CCSER1: variants seen among roughly 807,000 people sequenced by gnomAD.
The protein encoded by CCSER1 is serine-rich coiled-coil domain-containing protein 1.
A neutral mutation model predicts 82.0 loss-of-function variants in CCSER1; 41 were observed. The observed-to-expected ratio is 0.50, with a 90% CI of 0.39 to 0.65. The LOEUF is 0.65. Among genes scored for constraint, CCSER1 ranks in the 30% least tolerant of loss-of-function variants. The probability of loss-of-function intolerance (pLI) is 0.00; values close to 1 mark genes in which losing one functional copy is unlikely to be tolerated. For synonymous variants in CCSER1, 414 were observed against 383.9 expected (o/e 1.08, Z -0.92); for missense variants, 1,119 against 1,064.2 (o/e 1.05, Z -0.72).
At chr4:90,627,628 T>C (rs1328209463) in intron 5 of CCSER1, among the ~76,000 whole-genome samples, 2 of 152,118 alleles carry the variant, frequency 1.3e-5, no homozygotes, top group African/African-American at 2.4e-5. Flanking sequence ...ATCTTACCAC[T>C]AAATGTATAT....
intron 9 of CCSER1, among the ~76,000 whole-genome samples, chr4:90,931,290 T>C (rs978104372): frequency 3.3e-5 from 5 of 151,928 alleles, no homozygotes; most frequent in African/African-American, 1.2e-4. Context: ...TTTCTGTGTA[T>C]ATAATAAGAA....
chr4:91,336,341 T>C (rs1428956096), intron 10 of CCSER1, among the ~76,000 whole-genome samples: 3 of 152,122 alleles, frequency 2.0e-5, no homozygotes, highest in Non-Finnish European at 4.4e-5. Context: ...CTTCAAGTAT[T>C]TAATATTCTA....
rs913060411 is a variant in CCSER1, at chr4:91,553,849, T to A, written c.2218-44723T>A. ...TCTAGCTAAAGGTTTATCAATTTTT[T>A]AAAAAAAACCAATATATTTGATATT... On this transcript the variant is annotated intron_variant, in intron 10 of 10. Transcript: ENST00000509176. Among the ~76,000 whole-genome samples, 44 of 150,828 alleles carry A rather than the reference T, an allele frequency of 2.9e-4. 1 individual carries two copies. The highest frequency in any genetic ancestry group is 2.7e-4 in the African/African-American group (11 of 41,206).
chr4:90,864,083 A>G (rs1216717156), intron 8 of CCSER1, among the ~76,000 whole-genome samples: 1 of 149,924 alleles, frequency 6.7e-6, no homozygotes, highest in Non-Finnish European at 1.5e-5. Flanking sequence ...CATCTTTTCC[A>G]TGTCAACTTG....
chr4:90,995,256 T>G (rs1044861877), intron 9 of CCSER1, among the ~76,000 whole-genome samples: 7 of 152,164 alleles, frequency 4.6e-5, no homozygotes, highest in African/African-American at 1.7e-4. Flanking sequence ...ATGAATGGTG[T>G]GTTAAGTTGA....
At chr4:91,577,450 CA>C (rs1225816970) in intron 10 of CCSER1, among the ~76,000 whole-genome samples, 2 of 151,342 alleles carry the variant, frequency 1.3e-5, no homozygotes, top group Non-Finnish European at 2.9e-5. Context: ...AAGAAAGCAG[CA>C]AAAAATAAAA....
chr4:91,548,416 G>GT (rs1461176935), intron 10 of CCSER1, among the ~76,000 whole-genome samples: 1 of 151,952 alleles, frequency 6.6e-6, no homozygotes, highest in Non-Finnish European at 1.5e-5. Flanking sequence ...TGCAAAATAA[G>GT]TTTTTATTTT....
intron 3 of CCSER1, among the ~76,000 whole-genome samples, chr4:90,351,870 G>T: frequency 6.6e-6 from 1 of 152,168 alleles, no homozygotes; most frequent in Non-Finnish European, 1.5e-5. Context: ...CAATGAGTGT[G>T]TTGATGGCAG....
intron 1 of CCSER1, among the ~76,000 whole-genome samples, chr4:90,227,739 C>G (rs1321793783): frequency 6.6e-6 from 1 of 152,164 alleles, no homozygotes; most frequent in East Asian, 1.9e-4. Context: ...GAGTGCCAGA[C>G]AGTGGGCGCA....
chr4:91,180,814 A>C (rs1733948394), intron 10 of CCSER1, among the ~76,000 whole-genome samples: 1 of 152,260 alleles, frequency 6.6e-6, no homozygotes, highest in African/African-American at 2.4e-5. Context: ...AGAGCCCCTA[A>C]CAGGGATTTA....
chr4:91,246,390 G>A (rs868767576), intron 10 of CCSER1, among the ~76,000 whole-genome samples: 3 of 152,082 alleles, frequency 2.0e-5, no homozygotes, highest in Non-Finnish European at 2.9e-5. Flanking sequence ...ATTAAAAAGC[G>A]AGAAATTAAA....
chr4:90,445,045 AAC>A (rs1760454275), intron 4 of CCSER1, among the ~76,000 whole-genome samples: 1 of 152,032 alleles, frequency 6.6e-6, no homozygotes, highest in Non-Finnish European at 1.5e-5. Context: ...ATTAAAAAAA[AAC>A]AGTTACAGAT....
chr4:90,493,493 A>T (rs1192938864), intron 5 of CCSER1, among the ~76,000 whole-genome samples: 1 of 152,194 alleles, frequency 6.6e-6, no homozygotes, highest in Admixed American at 6.5e-5. Flanking sequence ...GAAGGAAAAA[A>T]TGTTAAGGGC....
chr4:91,362,181 C>T (rs929113331), intron 10 of CCSER1, among the ~76,000 whole-genome samples: 6 of 151,808 alleles, frequency 4.0e-5, no homozygotes, highest in African/African-American at 1.4e-4. Flanking sequence ...GCCCAGAAAA[C>T]GATCTTGAGA....
At chr4:91,202,136 GTTAT>G (rs987922706) in intron 10 of CCSER1, among the ~76,000 whole-genome samples, 6 of 149,298 alleles carry the variant, frequency 4.0e-5, no homozygotes, top group East Asian at 3.9e-4. Flanking sequence ...CATTAATTAG[GTTAT>G]TTGTTTGGCT....
chr4:90,960,827 CTTAT>C (rs1733982886), intron 9 of CCSER1, among the ~76,000 whole-genome samples: 3 of 152,108 alleles, frequency 2.0e-5, no homozygotes, highest in South Asian at 4.1e-4. Flanking sequence ...TTGTGAAATA[CTTAT>C]TTAGCACCTT....
At chr4:90,612,858 T>C (rs1720514193) in intron 5 of CCSER1, among the ~76,000 whole-genome samples, 1 of 152,172 alleles carries the variant, frequency 6.6e-6, no homozygotes, top group Non-Finnish European at 1.5e-5. Flanking sequence ...CTGGATTAAT[T>C]ACCTAAGAAG....
intron 10 of CCSER1, among the ~76,000 whole-genome samples, chr4:91,388,046 T>A (rs2149346287): frequency 6.6e-6 from 1 of 152,160 alleles, no homozygotes; most frequent in Admixed American, 6.6e-5. Flanking sequence ...TTTTCTTAAC[T>A]AGAGAAAAAT....
chr4:90,736,601 G>T (rs1745684153), intron 7 of CCSER1, among the ~76,000 whole-genome samples: 1 of 151,490 alleles, frequency 6.6e-6, no homozygotes, highest in Non-Finnish European at 1.5e-5. Flanking sequence ...TTTTACAGGT[G>T]AAATGTGTTT....
Sources: gnomAD v4.1 joint callset for allele counts (sites outside exome capture counted in the v4.1 genomes callset) on GRCh38, gnomAD v4.1.1 for gene constraint, MANE v1.5 for transcripts, NCBI Gene and HGNC (gene_info 2026-07-23, HGNC 2026-07-21) for gene names.